The following AUTS2 variants were observed in gnomAD, a reference collection of about 807,000 sequenced individuals.
The protein encoded by AUTS2 is autism susceptibility gene 2 protein.
AUTS2 carries 17 observed loss-of-function variants against 112.4 expected under a neutral mutation model. The observed-to-expected ratio is 0.15, with a 90% CI of 0.10 to 0.23. The LOEUF (loss-of-function observed/expected upper bound fraction) is 0.23, where lower values mean the gene tolerates loss of function less well. AUTS2 is among the 10% of genes least tolerant of loss of function. The probability of loss-of-function intolerance (pLI) is 1.00; values close to 1 mark genes in which losing one functional copy is unlikely to be tolerated. For missense variants in AUTS2, 1,510 were observed against 1,701.6 expected (o/e 0.89, Z 1.98); for synonymous variants, 751 against 702.7 (o/e 1.07, Z -1.09).
intron 5 of AUTS2, among the ~76,000 whole-genome samples, chr7:70,668,469 AAC>A (rs1422847652): frequency 6.6e-6 from 1 of 152,200 alleles, no homozygotes; most frequent in Non-Finnish European, 1.5e-5. Flanking sequence ...AAGACAACCA[AAC>A]ACAGTGCTTG....
chr7:69,637,159 CT>C (rs1794587599), intron 1 of AUTS2, among the ~76,000 whole-genome samples: 1 of 152,180 alleles, frequency 6.6e-6, no homozygotes, highest in South Asian at 2.1e-4. Context: ...CACTTGAGCC[CT>C]TTCCAGGTTT....
chr7:70,705,410 C>T (rs1422570743), intron 6 of AUTS2, among the ~76,000 whole-genome samples: 2 of 152,194 alleles, frequency 1.3e-5, no homozygotes, highest in East Asian at 1.9e-4. Context: ...TCTGGTGGAA[C>T]GAGTGCAACA....
At chr7:69,931,471 A>G (rs911923343) in intron 2 of AUTS2, among the ~76,000 whole-genome samples, 4 of 152,176 alleles carry the variant, frequency 2.6e-5, no homozygotes, top group Non-Finnish European at 4.4e-5. Context: ...TAGAATTACT[A>G]GTTAACTATT....
At position 70,642,428 on chromosome 7, in the gene AUTS2, A is replaced by C. The variant is rs375028644; in HGVS notation, c.691-56141A>C. Among the ~76,000 whole-genome samples, 5 of 152,224 alleles carry C rather than the reference A, an allele frequency of 3.3e-5. 1 individual carries two copies. The South Asian group carries it at 1.0e-3, about 32-fold the overall frequency. ...CAGATATCATTTCACGTGTTCTTTT[A>C]TTAGCTTCATAGTTTTATTTTTCAC... On this transcript the variant is annotated intron_variant, in intron 5 of 18. Transcript: ENST00000342771.
At chr7:70,384,319 A>C (rs1793511800) in intron 4 of AUTS2, among the ~76,000 whole-genome samples, 1 of 152,230 alleles carries the variant, frequency 6.6e-6, no homozygotes, top group Non-Finnish European at 1.5e-5. Context: ...ACTGACAGGG[A>C]ACATACATCA....
intron 2 of AUTS2, among the ~76,000 whole-genome samples, chr7:69,920,191 AATT>A (rs1172705556): frequency 2.0e-5 from 3 of 151,892 alleles, no homozygotes; most frequent in African/African-American, 2.4e-5. Flanking sequence ...AATGTAATGA[AATT>A]ATTATTATTA....
chr7:70,513,312 C>T (rs1322898232), intron 5 of AUTS2, among the ~76,000 whole-genome samples: 1 of 152,170 alleles, frequency 6.6e-6, no homozygotes, highest in African/African-American at 2.4e-5. Context: ...TCTGATCAGA[C>T]CCACAGCCTC....
At chr7:70,204,519 C>G (rs989251756) in intron 4 of AUTS2, among the ~76,000 whole-genome samples, 1 of 152,042 alleles carries the variant, frequency 6.6e-6, no homozygotes. Flanking sequence ...ATAGAGATTT[C>G]TCAGAATTAA....
chr7:70,108,681 G>T (rs1304198335), intron 2 of AUTS2, among the ~76,000 whole-genome samples: 1 of 151,172 alleles, frequency 6.6e-6, no homozygotes, highest in Non-Finnish European at 1.5e-5. Flanking sequence ...AATAATTCCA[G>T]GCCGGGAGCT....
intron 1 of AUTS2, among the ~76,000 whole-genome samples, chr7:69,614,650 A>AT (rs986036652): frequency 6.6e-6 from 1 of 151,354 alleles, no homozygotes; most frequent in African/African-American, 2.4e-5. Context: ...ACCCCTGCTA[A>AT]TTTTTTTTGG....
chr7:70,236,583 C>CA (rs1399639408), intron 4 of AUTS2, among the ~76,000 whole-genome samples: 1 of 152,172 alleles, frequency 6.6e-6, no homozygotes, highest in Non-Finnish European at 1.5e-5. Context: ...AAATGGATCT[C>CA]AGACTATTTC....
At chr7:70,706,606 G>A (rs1433908337) in intron 6 of AUTS2, among the ~76,000 whole-genome samples, 1 of 152,190 alleles carries the variant, frequency 6.6e-6, no homozygotes, top group African/African-American at 2.4e-5. Context: ...GATGATCTCC[G>A]TAGGCTTTTC....
intron 4 of AUTS2, among the ~76,000 whole-genome samples, chr7:70,420,324 T>A (rs7795355): frequency 0.063 from 9,652 of 152,212 alleles, 352 homozygotes; most frequent in African/African-American, 0.1. Flanking sequence ...TCTTTTATGA[T>A]CCCTGCCATC....
At chr7:70,207,494 C>T (rs1013638131) in intron 4 of AUTS2, among the ~76,000 whole-genome samples, 1 of 152,102 alleles carries the variant, frequency 6.6e-6, no homozygotes, top group Non-Finnish European at 1.5e-5. Context: ...CAGTATTATG[C>T]AGGAGTAAGA....
chr7:70,156,365 G>A (rs1291689961), intron 4 of AUTS2, among the ~76,000 whole-genome samples: 1 of 152,176 alleles, frequency 6.6e-6, no homozygotes, highest in Non-Finnish European at 1.5e-5. Flanking sequence ...ATCTGTAGGG[G>A]CGGCAATGGC....
chr7:69,754,295 A>G (rs1309804036), intron 1 of AUTS2, among the ~76,000 whole-genome samples: 1 of 152,162 alleles, frequency 6.6e-6, no homozygotes, highest in Non-Finnish European at 1.5e-5. Context: ...ATGAGCATAG[A>G]GTATAGTGGG....
intron 6 of AUTS2, among the ~76,000 whole-genome samples, chr7:70,755,714 G>A (rs931125317): frequency 2.0e-5 from 3 of 151,962 alleles, no homozygotes; most frequent in African/African-American, 4.8e-5. Context: ...AGACTTGAAC[G>A]ATCACTTTCT....
At chr7:70,243,273 GTGTGTGTA>G (rs1233240286) in intron 4 of AUTS2, among the ~76,000 whole-genome samples, 2 of 140,500 alleles carry the variant, frequency 1.4e-5, no homozygotes, top group African/African-American at 5.5e-5. Context: ...GTGTGTGTGT[GTGTGTGTA>G]TGAGTATATA....
At chr7:70,491,623 GTA>G (rs1491089526) in intron 5 of AUTS2, among the ~76,000 whole-genome samples, 3 of 136,162 alleles carry the variant, frequency 2.2e-5, no homozygotes, top group African/African-American at 5.5e-5. Context: ...GTGTGTGTGT[GTA>G]TTTTTTTGAG....
Sources: gnomAD v4.1 joint callset for allele counts (sites outside exome capture counted in the v4.1 genomes callset) on GRCh38, gnomAD v4.1.1 for gene constraint, MANE v1.5 for transcripts, NCBI Gene and HGNC (gene_info 2026-07-23, HGNC 2026-07-21) for gene names.